The following RPTOR variants were observed in gnomAD, a reference collection of about 807,000 sequenced individuals.
RPTOR encodes regulatory associated protein of MTOR complex 1.
A neutral mutation model predicts 169.9 loss-of-function variants in RPTOR; 21 were observed. The observed-to-expected ratio is 0.12, with a 90% CI of 0.09 to 0.18. The LOEUF is 0.18. RPTOR is among the 10% of genes least tolerant of loss of function. The probability of loss-of-function intolerance (pLI) is 1.00; values close to 1 mark genes in which losing one functional copy is unlikely to be tolerated. For synonymous variants in RPTOR, 732 were observed against 753.2 expected (o/e 0.97, Z 0.46); for missense variants, 1,133 against 1,855.9 (o/e 0.61, Z 7.16).
At chr17:80,600,790 G>T (rs969459311) in intron 1 of RPTOR, among the ~76,000 whole-genome samples, 1 of 152,180 alleles carries the variant, frequency 6.6e-6, no homozygotes, top group African/African-American at 2.4e-5. Flanking sequence ...AGGATGTGAC[G>T]TGTGGTGGCC....
chr17:80,656,913 C>T lies in RPTOR; in HGVS notation c.348+13103C>T, dbSNP rs146427128. On this transcript the variant is annotated intron_variant, in intron 3 of 33. Coordinates refer to ENST00000306801, the MANE Select transcript of RPTOR (RefSeq NM_020761.3). Reference sequence around the variant, plus strand: ...GGAGCCGCGGGGACACTGCCCATAGCGGTGGGAGAGCAAGCAGGAGGGGCT... The same window carrying T: ...GGAGCCGCGGGGACACTGCCCATAGTGGTGGGAGAGCAAGCAGGAGGGGCT... Among the ~76,000 whole-genome samples, 312 of 152,308 alleles carry T rather than the reference C, an allele frequency of 2.0e-3. 1 individual carries two copies. The highest frequency in any genetic ancestry group is 7.2e-3 in the African/African-American group (298 of 41,566).
intron 4 of RPTOR, among the ~76,000 whole-genome samples, chr17:80,712,463 CG>C (rs1567870668): frequency 6.6e-6 from 1 of 152,138 alleles, no homozygotes; most frequent in African/African-American, 2.4e-5. Flanking sequence ...CAGTAATATA[CG>C]CTTAAGACTC....
chr17:80,624,172 G>A (rs1238093289), intron 1 of RPTOR, among the ~76,000 whole-genome samples: 1 of 152,146 alleles, frequency 6.6e-6, no homozygotes, highest in African/African-American at 2.4e-5. Flanking sequence ...GGAACACCAG[G>A]TCTTAGGAAT....
intron 29 of RPTOR, among the ~76,000 whole-genome samples, chr17:80,958,824 G>A (rs751457546): frequency 1.2e-4 from 19 of 152,212 alleles, no homozygotes; most frequent in African/African-American, 1.9e-4. Flanking sequence ...TAAGCAGGCC[G>A]CGCTCAGCAG....
intron 3 of RPTOR, among the ~76,000 whole-genome samples, chr17:80,688,103 C>T (rs1346819220): frequency 6.6e-6 from 1 of 152,138 alleles, no homozygotes; most frequent in Non-Finnish European, 1.5e-5. Context: ...AACTGGGATG[C>T]TTTTATTGAT....
Position 80,836,396 on chromosome 17 carries a change from C to T in RPTOR, c.1137-1526C>T, listed in dbSNP as rs569762348. On this transcript the variant is annotated intron_variant, in intron 9 of 33. Transcript: ENST00000306801. The stretch of plus-strand genomic sequence containing the variant: ...CTGGCACTGGGAAAGAAGTTGGGTA[C>T]GGCTGGATGCCAGGGCACCTGCAGG... Among the ~76,000 whole-genome samples the T allele has an allele frequency of 5.9e-5, 9 of 152,320 alleles. No homozygotes were observed. The South Asian group carries it at 1.0e-3, about 18-fold the overall frequency.
At chr17:80,949,572 G>A (rs1343984701) in intron 28 of RPTOR, 25 bp downstream of exon 28, 2 of 1,590,964 alleles carry the variant, frequency 1.3e-6, no homozygotes, top group Non-Finnish European at 8.6e-7. Flanking sequence ...CTCCTCCCCA[G>A]AGCAGAATGT....
At chr17:80,855,333 A>G in intron 11 of RPTOR, 131 bp from the exon 12 acceptor site, 1 of 675,242 alleles carries the variant, frequency 1.5e-6, no homozygotes, top group Non-Finnish European at 2.7e-6. Flanking sequence ...CACCAGCTCT[A>G]GGTAACTGAA....
intron 5 of RPTOR, among the ~76,000 whole-genome samples, chr17:80,752,447 A>G (rs2066639796): frequency 6.6e-6 from 1 of 152,194 alleles, no homozygotes; most frequent in South Asian, 2.1e-4. Flanking sequence ...ACTGGTTCTG[A>G]TATTTTCCAG....
At chr17:80,688,374 G>C (rs1481354489) in intron 3 of RPTOR, among the ~76,000 whole-genome samples, 1 of 152,210 alleles carries the variant, frequency 6.6e-6, no homozygotes, top group Non-Finnish European at 1.5e-5. Flanking sequence ...CTTTGTGTGT[G>C]TCCAAAGTTC....
chr17:80,605,029 G>A (rs537608772), intron 1 of RPTOR, among the ~76,000 whole-genome samples: 2 of 152,068 alleles, frequency 1.3e-5, no homozygotes, highest in Admixed American at 1.3e-4. Flanking sequence ...CAAAGTGCTG[G>A]GATTATAGGT....
At chr17:80,891,911 G>A in intron 18 of RPTOR, 74 bp downstream of exon 18, 1 of 1,001,986 alleles carries the variant, frequency 1.0e-6, no homozygotes, top group Non-Finnish European at 1.5e-6. Flanking sequence ...GCCCAGTCTT[G>A]CTCACCCTCG....
intron 28 of RPTOR, among the ~76,000 whole-genome samples, chr17:80,952,880 T>A: frequency 1.3e-5 from 1 of 75,260 alleles, no homozygotes; most frequent in East Asian, 4.1e-4. Flanking sequence ...TTTTTTTTTT[T>A]TTGAGGTGGA....
Position 80,837,916 on chromosome 17 carries a change from C to T in RPTOR, c.1137-6C>T, listed in dbSNP as rs369852486. 6.2e-7 allele frequency: 1 copy of T among 1,609,834 alleles called. No homozygotes were observed. Among genetic ancestry groups the T allele is most frequent in the African/African-American group, 1.3e-5 (1 of 75,020 alleles). ...GCTCAGTGGATTTCCTCTGTTCTCT[C>T]CGCAGGCAAGCCTGGGACCTGGCTG... On this transcript the variant is annotated splice_polypyrimidine_tract_variant and splice_region_variant and intron_variant, in intron 9 of 33. Coordinates refer to ENST00000306801, the MANE Select transcript of RPTOR (RefSeq NM_020761.3).
chr17:80,753,147 C>T (rs560542178), intron 5 of RPTOR, among the ~76,000 whole-genome samples: 4 of 151,992 alleles, frequency 2.6e-5, no homozygotes, highest in Admixed American at 2.0e-4. Context: ...AGATAAAATC[C>T]CCCTAATCCC....
intron 1 of RPTOR, among the ~76,000 whole-genome samples, chr17:80,620,508 T>C (rs2065346396): frequency 6.6e-6 from 1 of 152,252 alleles, no homozygotes; most frequent in African/African-American, 2.4e-5. Flanking sequence ...CTCACACCTA[T>C]AATCCCAGCA....
chr17:80,644,594 G>A (rs969667071), intron 3 of RPTOR, among the ~76,000 whole-genome samples: 34 of 152,126 alleles, frequency 2.2e-4, no homozygotes, highest in African/African-American at 7.0e-4. Flanking sequence ...GAGAAGGTGC[G>A]CGTCTCCTGC....
intron 2 of RPTOR, among the ~76,000 whole-genome samples, chr17:80,635,413 C>G (rs2065498148): frequency 6.6e-6 from 1 of 152,204 alleles, no homozygotes; most frequent in African/African-American, 2.4e-5. Flanking sequence ...GCATTTTCAA[C>G]AAGTGCTTTA....
chr17:80,894,936 G>A (rs975283982), intron 20 of RPTOR, among the ~76,000 whole-genome samples: 1 of 152,184 alleles, frequency 6.6e-6, no homozygotes, highest in African/African-American at 2.4e-5. Context: ...TGGCGCCGTC[G>A]CACGATGCGT....
Sources: gnomAD v4.1 joint callset for allele counts (sites outside exome capture counted in the v4.1 genomes callset) on GRCh38, gnomAD v4.1.1 for gene constraint, MANE v1.5 for transcripts, NCBI Gene and HGNC (gene_info 2026-07-23, HGNC 2026-07-21) for gene names.